COL22A1: variants seen among roughly 807,000 people sequenced by gnomAD.
The protein encoded by COL22A1 is collagen alpha-1(XXII) chain.
A neutral mutation model predicts 248.9 loss-of-function variants in COL22A1; 221 were observed. That is an observed-to-expected ratio of 0.89 (90% CI 0.80 to 0.99). The LOEUF is 0.99. COL22A1 is among the 50% of genes least tolerant of loss of function. COL22A1 has a pLI of 0.00. For synonymous variants in COL22A1, 891 were observed against 793.4 expected (o/e 1.12, Z -2.07); for missense variants, 2,240 against 2,179.0 (o/e 1.03, Z -0.56).
At chr8:138,772,337 G>T (rs114007052) in intron 16 of COL22A1, among the ~76,000 whole-genome samples, 4,163 of 152,260 alleles carry the variant, frequency 0.027, 198 homozygotes, top group African/African-American at 0.096. Flanking sequence ...ATGTGTGTGG[G>T]GGTGGGTGGC....
chr8:138,774,992 T>C (rs1263803783), intron 16 of COL22A1, among the ~76,000 whole-genome samples: 2 of 152,158 alleles, frequency 1.3e-5, no homozygotes, highest in Non-Finnish European at 1.5e-5. Flanking sequence ...TATAGTTGTA[T>C]CAGGATGGCA....
At chr8:138,876,879 C>A (rs1344354521) in intron 3 of COL22A1, among the ~76,000 whole-genome samples, 1 of 152,250 alleles carries the variant, frequency 6.6e-6, no homozygotes, top group Non-Finnish European at 1.5e-5. Flanking sequence ...AAAGCCCAAC[C>A]CCTCCCGGGC....
intron 31 of COL22A1, 61 bp downstream of exon 31, chr8:138,703,245 G>A: frequency 7.2e-7 from 1 of 1,395,766 alleles, no homozygotes; most frequent in Non-Finnish European, 1.0e-6. Context: ...TTGCTGGAGG[G>A]GGAGTACGAA....
intron 51 of COL22A1, among the ~76,000 whole-genome samples, chr8:138,625,357 G>T (rs757654244): frequency 6.6e-6 from 1 of 152,138 alleles, no homozygotes. Flanking sequence ...TGGAACAAAA[G>T]AAGGCACAGT....
Position 138,663,707 on chromosome 8 carries a change from G to A in COL22A1, c.3184C>T (p.Pro1062Ser), listed in dbSNP as rs1265712507. Residue 1062 changes from proline to serine, a missense_variant and splice_region_variant, in exon 42 of 65, where the codon CCG becomes TCG. Physicochemically the swap from Pro to Ser is moderately conservative, Grantham distance 74. Transcript: ENST00000303045. ...CCTTTATTTAAAGCATACTGTACCG[G>A]GGATCCTTTGTCTCCTGGTGGTCCG... Reference protein sequence around the residue: ...PSGPPGDKGSPGSRGLPGFPG... With the variant: ...PSGPPGDKGSSGSRGLPGFPG... 6.2e-7 allele frequency: 1 copy of A among 1,608,524 alleles called. No homozygotes were observed. Among genetic ancestry groups the A allele is most frequent in the Non-Finnish European group, 8.5e-7 (1 of 1,175,054 alleles).
chr8:138,704,053 G>A (rs555240392), intron 30 of COL22A1, among the ~76,000 whole-genome samples: 3 of 152,324 alleles, frequency 2.0e-5, no homozygotes, highest in Admixed American at 2.0e-4. Flanking sequence ...AGATCAAACT[G>A]CAAGGTGGCA....
intron 54 of COL22A1, 128 bp downstream of exon 54, chr8:138,616,786 T>C (rs140582347): frequency 1.9e-6 from 2 of 1,032,820 alleles, no homozygotes; most frequent in Non-Finnish European, 3.0e-6. Context: ...GCTTGCTCCA[T>C]GCTGGTGTGC....
intron 16 of COL22A1, among the ~76,000 whole-genome samples, chr8:138,774,061 G>A (rs1834618321): frequency 6.6e-6 from 1 of 152,170 alleles, no homozygotes; most frequent in Non-Finnish European, 1.5e-5. Flanking sequence ...ACCATGTGAG[G>A]GAAGGAGCAG....
At position 138,623,774 on chromosome 8, in the gene COL22A1, G is replaced by T; in HGVS notation, c.3729C>A (p.Gly1243=). 6.2e-7 allele frequency: 1 copy of T among 1,612,432 alleles called. No individual in the cohort carries two copies. The highest frequency in any genetic ancestry group is 1.1e-5 in the South Asian group (1 of 90,860). The part of the protein sequence containing the change: ...SGLPGIPGEE[G]KEGRDGKPGP... ...CCGGCTTTCCATCTCTGCCCTCTTT[G>T]CCTTCTTCTCCCTGCAAGAGAAACT... Residue 1243 remains glycine, a synonymous_variant, in exon 52 of 65, where the codon GGC becomes GGA. Coordinates refer to ENST00000303045, the MANE Select transcript of COL22A1 (RefSeq NM_152888.3).
At chr8:138,618,127 T>G (rs1350528480) in intron 53 of COL22A1, among the ~76,000 whole-genome samples, 1 of 152,176 alleles carries the variant, frequency 6.6e-6, no homozygotes, top group Non-Finnish European at 1.5e-5. Context: ...ACCTTCTCCT[T>G]TAGTACTTAC....
Position 138,685,817 on chromosome 8 carries a change from G to C in COL22A1, c.2863-505C>G, listed in dbSNP as rs534951791. Among the ~76,000 whole-genome samples, 7 of 152,210 alleles carry C rather than the reference G, an allele frequency of 4.6e-5. No homozygotes were observed. In the East Asian group the frequency reaches 1.4e-3, roughly 29 times the overall value. ...CAAAACTGGGAGAAAGTACATTTTT[G>C]GCTGTTTAGGCCACCCAGTTCATGA... On this transcript the variant is annotated intron_variant, in intron 37 of 64. Coordinates refer to ENST00000303045, the MANE Select transcript of COL22A1 (RefSeq NM_152888.3).
chr8:138,878,184 G>T lies in COL22A1; in HGVS notation c.224C>A (p.Thr75Asn). The change falls in exon 3 of 65, where the codon ACC becomes AAC. Residue 75 changes from threonine to asparagine, a missense_variant. By Grantham distance (65) the Thr-to-Asn change is moderately conservative. Coordinates refer to ENST00000303045, the MANE Select transcript of COL22A1 (RefSeq NM_152888.3). ...GCTGTAGCGCACGACCCCCACACGGGTGCGGTCGGGGCCCACCTCGAAGGT... is the reference window on the plus strand; with the variant it reads ...GCTGTAGCGCACGACCCCCACACGGTTGCGGTCGGGGCCCACCTCGAAGGT... The part of the protein sequence containing the change: ...VDTFEVGPDR[T>N]RVGVVRYSDR... 1 of 1,601,854 alleles carries T rather than the reference G, an allele frequency of 6.2e-7. No homozygotes were observed. The highest frequency in any genetic ancestry group is 8.5e-7 in the Non-Finnish European group (1 of 1,175,088).
chr8:138,859,678 T>G (rs747796999), intron 3 of COL22A1, among the ~76,000 whole-genome samples: 21 of 151,964 alleles, frequency 1.4e-4, no homozygotes, highest in Non-Finnish European at 2.9e-4. Context: ...ACACACTTAC[T>G]CTCCTCCTTC....
chr8:138,895,579 A>T (rs1188435764), intron 1 of COL22A1, among the ~76,000 whole-genome samples: 2 of 152,338 alleles, frequency 1.3e-5, no homozygotes, highest in African/African-American at 4.8e-5. Context: ...AAAAATCAGC[A>T]AACTGAAACA....
At chr8:138,631,370 A>G (rs1159436978) in intron 49 of COL22A1, among the ~76,000 whole-genome samples, 1 of 152,144 alleles carries the variant, frequency 6.6e-6, no homozygotes, top group Non-Finnish European at 1.5e-5. Flanking sequence ...TAGCATCCAC[A>G]TTTTAGGACG....
intron 16 of COL22A1, among the ~76,000 whole-genome samples, chr8:138,766,272 C>A (rs1215614859): frequency 6.6e-6 from 1 of 152,176 alleles, no homozygotes; most frequent in Non-Finnish European, 1.5e-5. Flanking sequence ...TGCAGGTGCA[C>A]AGAGAGGGCC....
At position 138,792,424 on chromosome 8, in the gene COL22A1, G is replaced by A. The variant is rs545451440; in HGVS notation, c.1596+4395C>T. On this transcript the variant is annotated intron_variant, in intron 12 of 64. Coordinates refer to ENST00000303045, the MANE Select transcript of COL22A1 (RefSeq NM_152888.3). Reference sequence around the variant, plus strand: ...TGAGCCTGCTCTCTACTCAGCAACCGATCTGTCTCAGGGTCACCTTCATCT... The same window carrying A: ...TGAGCCTGCTCTCTACTCAGCAACCAATCTGTCTCAGGGTCACCTTCATCT... Among the ~76,000 whole-genome samples, 6 of 152,306 alleles carry A rather than the reference G, an allele frequency of 3.9e-5. No individual in the cohort carries two copies. In the East Asian group the frequency reaches 7.7e-4, roughly 20 times the overall value.
chr8:138,617,990 C>G (rs1819473289), intron 53 of COL22A1, among the ~76,000 whole-genome samples: 1 of 152,124 alleles, frequency 6.6e-6, no homozygotes, highest in Non-Finnish European at 1.5e-5. Flanking sequence ...CTCAAGGACC[C>G]CAGAATTCCA....
intron 41 of COL22A1, among the ~76,000 whole-genome samples, chr8:138,671,583 ATT>A (rs1564173744): frequency 6.6e-6 from 1 of 152,176 alleles, no homozygotes; most frequent in Non-Finnish European, 1.5e-5. Flanking sequence ...CAGATCTTGC[ATT>A]TTTTTCTTTG....
Sources: allele counts gnomAD v4.1 joint callset (sites outside exome capture counted in the v4.1 genomes callset), GRCh38; gene constraint gnomAD v4.1.1; transcripts MANE v1.5; gene names NCBI Gene and HGNC (gene_info 2026-07-23, HGNC 2026-07-21).